The following TBC1D4 variants were observed in gnomAD, a reference collection of about 807,000 sequenced individuals.
The protein encoded by TBC1D4 is TBC (Tre-2, BUB2, CDC16) domain-containing protein.
Under a neutral mutation model 142.5 loss-of-function variants are expected in TBC1D4, and 121 were observed. The ratio of observed to expected loss-of-function variants is 0.85; its 90% CI spans 0.73 to 0.99. TBC1D4 has a LOEUF of 0.99. Among genes scored for constraint, TBC1D4 ranks in the 50% least tolerant of loss-of-function variants. The pLI is 0.00. For synonymous variants in TBC1D4, 630 were observed against 628.2 expected (o/e 1.00, Z -0.04); for missense variants, 1,475 against 1,606.6 (o/e 0.92, Z 1.40).
At chr13:75,392,957 A>G (rs1884569122) in intron 1 of TBC1D4, among the ~76,000 whole-genome samples, 2 of 151,974 alleles carry the variant, frequency 1.3e-5, no homozygotes, top group East Asian at 1.9e-4. Context: ...TCTGATTTAC[A>G]GTTATTCCTT....
intron 1 of TBC1D4, among the ~76,000 whole-genome samples, chr13:75,457,575 G>A (rs982622733): frequency 4.6e-5 from 7 of 152,274 alleles, no homozygotes; most frequent in Middle Eastern, 6.8e-3. Flanking sequence ...AGTAGGAACC[G>A]GAGTACAATC....
intron 1 of TBC1D4, among the ~76,000 whole-genome samples, chr13:75,374,271 TA>T (rs1883379022): frequency 6.6e-6 from 1 of 152,128 alleles, no homozygotes; most frequent in South Asian, 2.1e-4. Context: ...ACCTTTCAAT[TA>T]ATTTACCGCC....
At chr13:75,326,500 G>C (rs1338590166) in intron 9 of TBC1D4, 77 bp from the exon 10 acceptor site, 1 of 1,447,514 alleles carries the variant, frequency 6.9e-7, no homozygotes, top group East Asian at 2.3e-5. Flanking sequence ...GAGCTCAAAA[G>C]TGACAGTGTG....
At chr13:75,419,311 C>T (rs536121367) in intron 1 of TBC1D4, among the ~76,000 whole-genome samples, 8 of 152,204 alleles carry the variant, frequency 5.3e-5, no homozygotes, top group Non-Finnish European at 1.2e-4. Context: ...CATTCCAGTG[C>T]TGGAGGAGGA....
chr13:75,335,965 T>C (rs771341650), intron 8 of TBC1D4, among the ~76,000 whole-genome samples: 2 of 152,226 alleles, frequency 1.3e-5, no homozygotes, highest in Non-Finnish European at 2.9e-5. Flanking sequence ...AAATGATTTT[T>C]AAAGTTCTTA....
At chr13:75,337,753 AG>A (rs1880346267) in intron 7 of TBC1D4, among the ~76,000 whole-genome samples, 1 of 152,218 alleles carries the variant, frequency 6.6e-6, no homozygotes, top group South Asian at 2.1e-4. Flanking sequence ...GGGTCTAAAC[AG>A]GAAGAAAAGA....
chr13:75,368,861 C>G, intron 1 of TBC1D4, among the ~76,000 whole-genome samples: 1 of 151,906 alleles, frequency 6.6e-6, no homozygotes, highest in Non-Finnish European at 1.5e-5. Context: ...CTGGCCAATA[C>G]AGCAAAACCC....
chr13:75,443,107 T>G (rs1351660323), intron 1 of TBC1D4, among the ~76,000 whole-genome samples: 2 of 152,180 alleles, frequency 1.3e-5, no homozygotes, highest in Non-Finnish European at 2.9e-5. Flanking sequence ...TTACTTCAGT[T>G]TAGAGGCCCC....
At chr13:75,399,010 A>G (rs2087851339) in intron 1 of TBC1D4, among the ~76,000 whole-genome samples, 1 of 152,184 alleles carries the variant, frequency 6.6e-6, no homozygotes, top group South Asian at 2.1e-4. Context: ...TGATATACAG[A>G]AAGTTCTTAA....
intron 7 of TBC1D4, among the ~76,000 whole-genome samples, chr13:75,337,726 G>A (rs1593751258): frequency 6.6e-6 from 1 of 152,296 alleles, no homozygotes; most frequent in Non-Finnish European, 1.5e-5. Context: ...AAATACCAAA[G>A]CAGGAAGATT....
chr13:75,371,015 G>A (rs756423638), intron 1 of TBC1D4, among the ~76,000 whole-genome samples: 4 of 152,108 alleles, frequency 2.6e-5, no homozygotes, highest in Non-Finnish European at 5.9e-5. Flanking sequence ...AATACAGCAA[G>A]AGCCAGGTGT....
At chr13:75,375,604 G>C (rs1883452668) in intron 1 of TBC1D4, 2 of 152,070 alleles carry the variant, frequency 1.3e-5, no homozygotes, top group African/African-American at 2.4e-5. Context: ...TTCATCGCTT[G>C]TCATTAAATA....
chr13:75,404,088 A>ACACACACACACACC, intron 1 of TBC1D4, among the ~76,000 whole-genome samples: 1 of 151,558 alleles, frequency 6.6e-6, no homozygotes, highest in African/African-American at 2.4e-5. Flanking sequence ...ACACACACAC[A>ACACACACACACACC]TCTCCCCAGC....
At chr13:75,342,310 A>G (rs1370521865) in intron 5 of TBC1D4, among the ~76,000 whole-genome samples, 1 of 152,230 alleles carries the variant, frequency 6.6e-6, no homozygotes, top group Non-Finnish European at 1.5e-5. Context: ...ATGATTTAAC[A>G]TTAACCTAAG....
Position 75,285,823 on chromosome 13 carries a change from G to A in TBC1D4, c.*969C>T, listed in dbSNP as rs528471713. The A allele has an allele frequency of 6.5e-6, 1 of 152,672 alleles. No homozygotes were observed. Among genetic ancestry groups the A allele is most frequent in the African/African-American group, 2.4e-5 (1 of 41,556 alleles). 9.5% of individuals were successfully genotyped at this position (152,672 alleles called of 1,614,324 possible). A position where few individuals can be genotyped will look rare whatever the true frequency, so the allele number is the denominator to read the frequency against. ...TACGTTTCCTTATACTGAATTTAAGGTAGAGAGACCTAAATTACAAGCACT... is the reference window on the plus strand; with the variant it reads ...TACGTTTCCTTATACTGAATTTAAGATAGAGAGACCTAAATTACAAGCACT... On this transcript the variant is annotated 3_prime_UTR_variant, in exon 21 of 21. Coordinates refer to ENST00000377636, the MANE Select transcript of TBC1D4 (RefSeq NM_014832.5).
intron 1 of TBC1D4, among the ~76,000 whole-genome samples, chr13:75,368,201 T>C (rs1051230513): frequency 2.0e-5 from 3 of 152,184 alleles, no homozygotes; most frequent in Non-Finnish European, 2.9e-5. Flanking sequence ...ACTGTAAAAC[T>C]GTAAAACTAA....
intron 19 of TBC1D4, among the ~76,000 whole-genome samples, chr13:75,290,211 T>G: frequency 6.6e-6 from 1 of 152,128 alleles, no homozygotes. Flanking sequence ...AAGAAACATG[T>G]AATACAAAGT....
At chr13:75,300,882 C>T (rs1038855416) in intron 16 of TBC1D4, among the ~76,000 whole-genome samples, 4 of 152,244 alleles carry the variant, frequency 2.6e-5, no homozygotes, top group African/African-American at 4.8e-5. Flanking sequence ...AGAGGATGGA[C>T]GCTCAGAAGG....
chr13:75,315,363 T>TAC (rs1350562970), intron 12 of TBC1D4, among the ~76,000 whole-genome samples: 14 of 147,252 alleles, frequency 9.5e-5, no homozygotes, highest in African/African-American at 3.5e-4. Flanking sequence ...TATATATATA[T>TAC]ATATATACAC....
Sources: allele counts gnomAD v4.1 joint callset (sites outside exome capture counted in the v4.1 genomes callset), GRCh38; gene constraint gnomAD v4.1.1; transcripts MANE v1.5; gene names NCBI Gene and HGNC (gene_info 2026-07-23, HGNC 2026-07-21).